F11: variants seen among roughly 807,000 people sequenced by gnomAD.
F11 encodes coagualtion factor XI.
A neutral mutation model predicts 76.5 loss-of-function variants in F11; 78 were observed. The observed-to-expected ratio is 1.02, with a 90% CI of 0.85 to 1.23. F11 has a LOEUF of 1.23. Among genes scored for constraint, F11 ranks in the 50% most tolerant of loss-of-function variants. The pLI, the probability that F11 is intolerant of heterozygous loss-of-function variation, is 0.00. For synonymous variants in F11, 278 were observed against 276.3 expected (o/e 1.01, Z -0.06); for missense variants, 742 against 771.4 (o/e 0.96, Z 0.45).
intron 7 of F11, among the ~76,000 whole-genome samples, chr4:186,277,318 C>G (rs1002203014): frequency 7.9e-5 from 12 of 152,140 alleles, no homozygotes; most frequent in Admixed American, 3.9e-4. Flanking sequence ...TGCTGATAGA[C>G]TCTTAGGTTG....
chr4:186,267,224 G>A (rs1739575481), intron 2 of F11, 33 bp downstream of exon 2: 1 of 1,310,186 alleles, frequency 7.6e-7, no homozygotes, highest in South Asian at 1.2e-5. Flanking sequence ...TATGGGCTGG[G>A]AGAGGGAAAT....
intron 10 of F11, chr4:186,282,892 A>G: frequency 1.0e-6 from 1 of 984,946 alleles, no homozygotes; most frequent in Non-Finnish European, 1.2e-6. Flanking sequence ...TTATACACTC[A>G]TTTTCCTACC....
At chr4:186,266,780 G>GAA (rs1739529667) in intron 1 of F11, among the ~76,000 whole-genome samples, 1 of 152,232 alleles carries the variant, frequency 6.6e-6, no homozygotes, top group South Asian at 2.1e-4. Flanking sequence ...AAAAAAATTG[G>GAA]GAAAGGAAAC....
At chr4:186,274,985 A>G (rs1018165594) in intron 5 of F11, 2 of 245,788 alleles carry the variant, frequency 8.1e-6, no homozygotes, top group Non-Finnish European at 1.7e-5. Flanking sequence ...AAGAGGAGTG[A>G]ACAGAAAGCA....
chr4:186,290,529 G>T (rs1378202190), downstream of F11, among the ~76,000 whole-genome samples: 3 of 152,230 alleles, frequency 2.0e-5, no homozygotes, highest in Admixed American at 6.5e-5. Context: ...GATAAGAAGA[G>T]ATGTTTCTGT....
In F11 at chr4:186,276,406, G is replaced by A; in HGVS notation, c.755+16G>A. 6.2e-7 allele frequency: 1 copy of A among 1,612,866 alleles called. No individual in the cohort carries two copies. Among genetic ancestry groups the A allele is most frequent in the Non-Finnish European group, 8.5e-7 (1 of 1,179,094 alleles). On this transcript the variant is annotated intron_variant, in intron 7 of 14. Transcript: ENST00000403665. ...AATCTCAAAGGTAAGGAGTTAACAAGTAAGGATAATTTGTTATCTTCTAAA... is the reference window on the plus strand; with the variant it reads ...AATCTCAAAGGTAAGGAGTTAACAAATAAGGATAATTTGTTATCTTCTAAA...
chr4:186,287,896 T>C, intron 14 of F11, 73 bp downstream of exon 14: 1 of 1,544,212 alleles, frequency 6.5e-7, no homozygotes, highest in Non-Finnish European at 8.9e-7. Context: ...TTTTTGTTTG[T>C]TTTGTTTTTT....
At chr4:186,286,749 A>G in intron 13 of F11, 2 of 973,344 alleles carry the variant, frequency 2.1e-6, no homozygotes, top group Non-Finnish European at 2.4e-6. Flanking sequence ...ATGAAGTTTA[A>G]TGTGAAGCCT....
At chr4:186,290,015 G>T (rs1050808189), downstream of F11, among the ~76,000 whole-genome samples, 2 of 152,122 alleles carry the variant, frequency 1.3e-5, no homozygotes, top group African/African-American at 4.8e-5. Flanking sequence ...TTATGTGAGA[G>T]CATCATGCTG....
At position 186,288,833 on chromosome 4, in the gene F11, T is replaced by A. The variant is rs1478499996; in HGVS notation, c.*219T>A. On this transcript the variant is annotated 3_prime_UTR_variant, in exon 15 of 15. Coordinates refer to ENST00000403665, the MANE Select transcript of F11 (RefSeq NM_000128.4). ...TTTGTTTGAGCATTCAGTCTCTTTG[T>A]TTTTGATCACGCTTCTATGGAGTCC... is the stretch of plus-strand genomic sequence containing the variant. 5.4e-6 allele frequency: 3 copies of A among 558,278 alleles called. No individual in the cohort carries two copies. The Admixed American group carries it at 8.6e-5, about 16-fold the overall frequency. The allele number at this position is 558,278 out of a possible 1,614,324, so 34.6% of individuals were successfully genotyped here. A position where few individuals can be genotyped will look rare whatever the true frequency, so the allele number is the denominator to read the frequency against.
chr4:186,276,213 A>G lies in F11; in HGVS notation c.596-18A>G. ...AGCTGGTGAATTGAGTCCCTGACATAGTTCTTCCGTCGCGCAGCTTGTATT... is the reference window on the plus strand; with the variant it reads ...AGCTGGTGAATTGAGTCCCTGACATGGTTCTTCCGTCGCGCAGCTTGTATT... On this transcript the variant is annotated intron_variant, in intron 6 of 14. Transcript: ENST00000403665. 2 of 1,614,132 alleles carry G rather than the reference A, an allele frequency of 1.2e-6. No homozygotes were observed. Among genetic ancestry groups the G allele is most frequent in the Non-Finnish European group, 1.7e-6 (2 of 1,180,006 alleles).
At chr4:186,275,635 C>T (rs1561483246) in intron 5 of F11, 152 bp from the exon 6 acceptor site, 2 of 678,118 alleles carry the variant, frequency 2.9e-6, no homozygotes, top group East Asian at 2.7e-5. Flanking sequence ...CTTAGCAACA[C>T]TGCTGGGACC....
At chr4:186,279,970 G>C (rs752021084) in intron 7 of F11, 42 bp from the exon 8 acceptor site, 1 of 1,453,640 alleles carries the variant, frequency 6.9e-7, no homozygotes, top group East Asian at 2.3e-5. Flanking sequence ...GTTTTTATGT[G>C]TTTGATATGA....
At chr4:186,274,994 CA>C (rs1237709068) in intron 5 of F11, 1 of 251,218 alleles carries the variant, frequency 4.0e-6, no homozygotes, top group Non-Finnish European at 8.3e-6. Context: ...GAACAGAAAG[CA>C]AACAAAGCAT....
chr4:186,281,983 A>G (rs575255479), intron 10 of F11: 1 of 1,263,412 alleles, frequency 7.9e-7, no homozygotes, highest in South Asian at 1.3e-5. Context: ...AAGACTTCTT[A>G]AAAAGCAAGT....
intron 2 of F11, among the ~76,000 whole-genome samples, chr4:186,269,527 T>C (rs1401845509): frequency 6.6e-6 from 1 of 152,188 alleles, no homozygotes; most frequent in Non-Finnish European, 1.5e-5. Flanking sequence ...ATCTCACTGA[T>C]AGGAGGTACT....
rs1740728253 is a variant in F11 at position 186,280,597 on chromosome 4, T to C, written c.1135+17T>C. 3 of 1,566,156 alleles carry C rather than the reference T, an allele frequency of 1.9e-6. No individual in the cohort carries two copies. Among genetic ancestry groups the C allele is most frequent in the South Asian group, 1.1e-5 (1 of 89,856 alleles). The stretch of plus-strand genomic sequence containing the variant: ...TGGATAATGGTGAGTATAATGTCAC[T>C]TGAAAAAATATAGCTGAAGGAATTA... On this transcript the variant is annotated intron_variant, in intron 10 of 14. Coordinates refer to ENST00000403665, the MANE Select transcript of F11 (RefSeq NM_000128.4).
chr4:186,275,210 G>C, intron 5 of F11: 1 of 456,630 alleles, frequency 2.2e-6, no homozygotes, highest in Non-Finnish European at 4.4e-6. Flanking sequence ...GAAGGACTTA[G>C]CCAGGCGCGG....
chr4:186,283,656 C>T (rs779503628), intron 10 of F11, among the ~76,000 whole-genome samples: 10 of 152,194 alleles, frequency 6.6e-5, no homozygotes, highest in Non-Finnish European at 1.2e-4. Flanking sequence ...AGTTCTCAAA[C>T]GCCAGCAGGG....
Sources: gnomAD v4.1 joint callset for allele counts (sites outside exome capture counted in the v4.1 genomes callset) on GRCh38, gnomAD v4.1.1 for gene constraint, MANE v1.5 for transcripts, NCBI Gene and HGNC (gene_info 2026-07-23, HGNC 2026-07-21) for gene names.